The following ACBD6 variants were observed in gnomAD, a reference collection of about 807,000 sequenced individuals.
ACBD6 encodes acyl-CoA binding domain containing 6, also known as acyl-CoA-binding domain-containing protein 6.
A neutral mutation model predicts 37.2 loss-of-function variants in ACBD6; 28 were observed. That is an observed-to-expected ratio of 0.75 (90% confidence interval 0.56 to 1.03). ACBD6 has a LOEUF of 1.03. Ranked by LOEUF, ACBD6 falls within the 50% of genes least tolerant of loss-of-function variation. The pLI, the probability that ACBD6 is intolerant of heterozygous loss-of-function variation, is 0.00. For synonymous variants in ACBD6, 113 were observed against 126.8 expected (o/e 0.89, Z 0.73); for missense variants, 340 against 337.4 (o/e 1.01, Z -0.06).
At chr1:180,448,433 T>C (rs1649559939) in intron 3 of ACBD6, among the ~76,000 whole-genome samples, 1 of 152,180 alleles carries the variant, frequency 6.6e-6, no homozygotes, top group Non-Finnish European at 1.5e-5. Context: ...CCTTTTCTAT[T>C]GTTTTCATGA....
At chr1:180,493,156 G>A (rs996532282) in intron 2 of ACBD6, among the ~76,000 whole-genome samples, 6 of 145,812 alleles carry the variant, frequency 4.1e-5, no homozygotes, top group East Asian at 2.2e-4. Context: ...GCCGAGGCAG[G>A]AGAATTGCTT....
At chr1:180,308,562 C>G (rs1408915095) in intron 7 of ACBD6, among the ~76,000 whole-genome samples, 1 of 152,192 alleles carries the variant, frequency 6.6e-6, no homozygotes, top group African/African-American at 2.4e-5. Context: ...TAGTCTGAAG[C>G]AGAGAAGCTT....
intron 6 of ACBD6, among the ~76,000 whole-genome samples, chr1:180,339,447 C>T (rs564947729): frequency 1.3e-4 from 20 of 152,240 alleles, no homozygotes; most frequent in Admixed American, 7.2e-4. Context: ...AACCAAACAC[C>T]GCATGTTCTC....
At chr1:180,350,028 T>G (rs1652349019) in intron 6 of ACBD6, among the ~76,000 whole-genome samples, 2 of 36,320 alleles carry the variant, frequency 5.5e-5, no homozygotes, top group South Asian at 5.8e-3. Context: ...TGACCCTTTT[T>G]TTTTTTTTTT....
intron 3 of ACBD6, among the ~76,000 whole-genome samples, chr1:180,490,408 C>T (rs970773298): frequency 5.3e-5 from 8 of 151,308 alleles, no homozygotes; most frequent in African/African-American, 1.7e-4. Context: ...TTTGGGAGGC[C>T]GAAGCGGGTG....
intron 6 of ACBD6, among the ~76,000 whole-genome samples, chr1:180,317,890 T>C (rs865914842): frequency 6.6e-6 from 1 of 152,148 alleles, no homozygotes; most frequent in Non-Finnish European, 1.5e-5. Flanking sequence ...AGAATACTTA[T>C]CTGGGGCCTG....
At chr1:180,458,461 A>C (rs1466771201) in intron 3 of ACBD6, among the ~76,000 whole-genome samples, 1 of 152,234 alleles carries the variant, frequency 6.6e-6, no homozygotes, top group East Asian at 1.9e-4. Flanking sequence ...CATATAATAC[A>C]GATAAGAAAC....
chr1:180,339,333 A>G (rs138396062), intron 6 of ACBD6, among the ~76,000 whole-genome samples: 4,139 of 152,342 alleles, frequency 0.027, 82 homozygotes, highest in Middle Eastern at 0.065. Flanking sequence ...CATATACACC[A>G]TGGAATACTA....
intron 5 of ACBD6, among the ~76,000 whole-genome samples, chr1:180,398,770 C>T (rs1190895326): frequency 6.6e-6 from 1 of 152,136 alleles, no homozygotes; most frequent in African/African-American, 2.4e-5. Flanking sequence ...ATGAGTGATG[C>T]ATGGCTTACT....
intron 3 of ACBD6, among the ~76,000 whole-genome samples, chr1:180,468,347 CT>C (rs1650429966): frequency 6.6e-6 from 1 of 152,166 alleles, no homozygotes. Flanking sequence ...ATGAGTTTGG[CT>C]GGATAGGAGG....
intron 5 of ACBD6, among the ~76,000 whole-genome samples, chr1:180,399,184 C>T (rs903073466): frequency 1.3e-5 from 2 of 152,078 alleles, no homozygotes; most frequent in African/African-American, 4.8e-5. Flanking sequence ...AAAGTGTGGT[C>T]AAATCATTCA....
intron 7 of ACBD6, among the ~76,000 whole-genome samples, chr1:180,298,403 A>G (rs549477889): frequency 6.6e-6 from 1 of 152,288 alleles, no homozygotes; most frequent in African/African-American, 2.4e-5. Flanking sequence ...CCAACCCAAC[A>G]GTTACGCGAG....
At chr1:180,477,059 T>C (rs926301092) in intron 3 of ACBD6, among the ~76,000 whole-genome samples, 3 of 152,160 alleles carry the variant, frequency 2.0e-5, no homozygotes, top group Non-Finnish European at 2.9e-5. Flanking sequence ...TGCCTGAAAC[T>C]GTAGACACTA....
chr1:180,487,303 C>T (rs987079925), intron 3 of ACBD6, among the ~76,000 whole-genome samples: 1 of 152,074 alleles, frequency 6.6e-6, no homozygotes, highest in Non-Finnish European at 1.5e-5. Flanking sequence ...CAGTTACCCA[C>T]TGCCAACCCA....
At chr1:180,317,135 A>G (rs1169105679) in intron 6 of ACBD6, among the ~76,000 whole-genome samples, 1 of 152,246 alleles carries the variant, frequency 6.6e-6, no homozygotes, top group Non-Finnish European at 1.5e-5. Context: ...AAGTGTGCGC[A>G]CACAGAAGGT....
intron 2 of ACBD6, among the ~76,000 whole-genome samples, chr1:180,494,211 T>C (rs1004930056): frequency 6.6e-6 from 1 of 152,214 alleles, no homozygotes; most frequent in Admixed American, 6.5e-5. Context: ...TATCATCTAA[T>C]ATTTAATCAT....
intron 3 of ACBD6, among the ~76,000 whole-genome samples, chr1:180,454,728 T>C (rs1042593559): frequency 6.6e-6 from 1 of 152,100 alleles, no homozygotes; most frequent in African/African-American, 2.4e-5. Flanking sequence ...TAGACACTTC[T>C]CAAAAGAAGA....
chr1:180,490,419 G>A (rs1651447257), intron 3 of ACBD6, among the ~76,000 whole-genome samples: 1 of 151,470 alleles, frequency 6.6e-6, no homozygotes, highest in African/African-American at 2.4e-5. Context: ...GAAGCGGGTG[G>A]ATCACATGAG....
At chr1:180,395,132 C>T (rs1248647641) in intron 6 of ACBD6, among the ~76,000 whole-genome samples, 1 of 152,138 alleles carries the variant, frequency 6.6e-6, no homozygotes, top group African/African-American at 2.4e-5. Flanking sequence ...TGTTACAGTC[C>T]ATTTACATGG....
Sources: gnomAD v4.1 joint callset for allele counts (sites outside exome capture counted in the v4.1 genomes callset) on GRCh38, gnomAD v4.1.1 for gene constraint, MANE v1.5 for transcripts, NCBI Gene and HGNC (gene_info 2026-07-23, HGNC 2026-07-21) for gene names.